Variants in NDUFAF2 observed in about 807,000 individuals in gnomAD.
The protein encoded by NDUFAF2 is NADH:ubiquinone oxidoreductase complex assembly factor 2.
In NDUFAF2, 13 loss-of-function variants were observed where a neutral mutation model predicts 22.8. The ratio of observed to expected loss-of-function variants is 0.57; its 90% CI spans 0.37 to 0.91. The LOEUF is 0.91. Among genes scored for constraint, NDUFAF2 ranks in the 40% least tolerant of loss-of-function variants. NDUFAF2 has a pLI of 0.01. For synonymous variants in NDUFAF2, 53 were observed against 64.2 expected, an observed-to-expected ratio of 0.83 and a Z score of 0.84; for missense variants, 162 against 195.2, an observed-to-expected ratio of 0.83 and a Z score of 1.01.
chr5:61,122,306 A>G (rs1752985844), intron 3 of NDUFAF2, among the ~76,000 whole-genome samples: 1 of 152,170 alleles, frequency 6.6e-6, no homozygotes, highest in Non-Finnish European at 1.5e-5. Flanking sequence ...ATACTCTTAA[A>G]AAGTTTGAAA....
intron 1 of NDUFAF2, among the ~76,000 whole-genome samples, chr5:61,002,448 GT>G (rs1284312677): frequency 6.6e-6 from 1 of 152,100 alleles, no homozygotes; most frequent in East Asian, 1.9e-4. Flanking sequence ...AATTCAATCT[GT>G]AAGTTCAAGG....
chr5:61,004,973 A>G (rs1412936713), intron 1 of NDUFAF2, among the ~76,000 whole-genome samples: 4 of 151,974 alleles, frequency 2.6e-5, no homozygotes, highest in Non-Finnish European at 1.5e-5. Context: ...GTTCTAGGGT[A>G]CGTGTGCACA....
chr5:60,972,454 C>G (rs548714998), intron 1 of NDUFAF2, among the ~76,000 whole-genome samples: 1 of 152,234 alleles, frequency 6.6e-6, no homozygotes, highest in African/African-American at 2.4e-5. Flanking sequence ...GGACTTCCCC[C>G]TCTTCACTCA....
chr5:60,956,709 C>A (rs1306907507), intron 1 of NDUFAF2, among the ~76,000 whole-genome samples: 2 of 152,022 alleles, frequency 1.3e-5, no homozygotes, highest in Non-Finnish European at 2.9e-5. Flanking sequence ...AAGTTGTGAG[C>A]CAAGAAAAAT....
intron 3 of NDUFAF2, among the ~76,000 whole-genome samples, chr5:61,112,855 G>A (rs1579837130): frequency 6.7e-6 from 1 of 149,574 alleles, no homozygotes; most frequent in African/African-American, 2.4e-5. Context: ...TTAGTGAAGG[G>A]GATTTTCTGT....
chr5:60,956,650 T>A (rs1465773944), intron 1 of NDUFAF2, among the ~76,000 whole-genome samples: 1 of 152,172 alleles, frequency 6.6e-6, no homozygotes, highest in East Asian at 1.9e-4. Context: ...ATCACATTGA[T>A]TTGTATATGT....
chr5:60,966,716 G>A (rs76511541), intron 1 of NDUFAF2, among the ~76,000 whole-genome samples: 1,854 of 152,144 alleles, frequency 0.012, 15 homozygotes, highest in South Asian at 0.027. Flanking sequence ...AGTGGTCTTT[G>A]CGCTAATACC....
intron 1 of NDUFAF2, among the ~76,000 whole-genome samples, chr5:60,985,167 C>G (rs149304136): frequency 0.013 from 2,010 of 152,246 alleles, 49 homozygotes; most frequent in African/African-American, 0.046. Context: ...TGTAGATTTT[C>G]TAGTTTATTT....
chr5:60,973,336 GTT>G (rs1218162728), intron 1 of NDUFAF2, among the ~76,000 whole-genome samples: 1 of 151,940 alleles, frequency 6.6e-6, no homozygotes. Flanking sequence ...TTTTTCTTGA[GTT>G]TTTTGTTTGC....
intron 3 of NDUFAF2, among the ~76,000 whole-genome samples, chr5:61,151,536 T>C (rs1265239972): frequency 1.3e-5 from 2 of 152,060 alleles, no homozygotes; most frequent in African/African-American, 4.8e-5. Flanking sequence ...CCCAGCACTT[T>C]GGGAGGCTGA....
chr5:61,149,854 A>G (rs1378564279), intron 3 of NDUFAF2, among the ~76,000 whole-genome samples: 2 of 152,158 alleles, frequency 1.3e-5, no homozygotes, highest in African/African-American at 4.8e-5. Context: ...AAGGTCTACA[A>G]TTCCTATCCT....
At chr5:61,063,593 A>G (rs114365512) in intron 1 of NDUFAF2, among the ~76,000 whole-genome samples, 116 of 152,278 alleles carry the variant, frequency 7.6e-4, no homozygotes, top group African/African-American at 2.7e-3. Flanking sequence ...TGTGGTATCA[A>G]AAATGTAAAT....
chr5:61,097,603 C>T (rs977305885), intron 2 of NDUFAF2, among the ~76,000 whole-genome samples: 5 of 152,154 alleles, frequency 3.3e-5, no homozygotes, highest in African/African-American at 1.2e-4. Flanking sequence ...GACTTTAGAG[C>T]CAGTTCAACC....
intron 1 of NDUFAF2, among the ~76,000 whole-genome samples, chr5:61,049,650 C>G (rs1751997809): frequency 6.6e-6 from 1 of 151,988 alleles, no homozygotes; most frequent in Admixed American, 6.6e-5. Context: ...AATTGAACTA[C>G]TTTAAGTACC....
chr5:61,009,773 A>G (rs954608839), intron 1 of NDUFAF2, among the ~76,000 whole-genome samples: 4 of 152,014 alleles, frequency 2.6e-5, no homozygotes, highest in Non-Finnish European at 5.9e-5. Flanking sequence ...CTATGTTCTG[A>G]TTCCAGACAC....
chr5:61,009,061 T>C (rs759175613), intron 1 of NDUFAF2, among the ~76,000 whole-genome samples: 1 of 152,116 alleles, frequency 6.6e-6, no homozygotes, highest in African/African-American at 2.4e-5. Context: ...AATCCGTATC[T>C]ATTATTGTTA....
chr5:61,119,676 G>A (rs1159588551), intron 3 of NDUFAF2, among the ~76,000 whole-genome samples: 1 of 152,080 alleles, frequency 6.6e-6, no homozygotes, highest in East Asian at 1.9e-4. Context: ...GGTCCCTGTT[G>A]GGCAGTTTTA....
chr5:61,015,905 T>G (rs13178029), intron 1 of NDUFAF2, among the ~76,000 whole-genome samples: 8 of 152,072 alleles, frequency 5.3e-5, no homozygotes, highest in African/African-American at 1.9e-4. Context: ...AAAAGACTTA[T>G]GGCTGGGTGC....
At chr5:61,146,440 C>A (rs559213744) in intron 3 of NDUFAF2, 1 of 152,158 alleles carries the variant, frequency 6.6e-6, no homozygotes, top group East Asian at 1.9e-4. Flanking sequence ...GAAGTATGTC[C>A]TTTAATTTTT....
Sources: allele counts gnomAD v4.1 joint callset (sites outside exome capture counted in the v4.1 genomes callset), GRCh38; gene constraint gnomAD v4.1.1; transcripts MANE v1.5; gene names NCBI Gene and HGNC (gene_info 2026-07-23, HGNC 2026-07-21).